ZSWIM6: variants seen among roughly 807,000 people sequenced by gnomAD.
ZSWIM6 encodes the protein zinc finger SWIM-type containing 6.
A neutral mutation model predicts 113.2 loss-of-function variants in ZSWIM6; 9 were observed. That is an observed-to-expected ratio of 0.08 (90% CI 0.05 to 0.14). The LOEUF (loss-of-function observed/expected upper bound fraction) is 0.14, where lower values mean the gene tolerates loss of function less well. Among genes scored for constraint, ZSWIM6 ranks in the 10% least tolerant of loss-of-function variants. The probability of loss-of-function intolerance (pLI) is 1.00; values close to 1 mark genes in which losing one functional copy is unlikely to be tolerated. For synonymous variants in ZSWIM6, 611 were observed against 606.5 expected (o/e 1.01, Z -0.11); for missense variants, 1,162 against 1,552.2 (o/e 0.75, Z 4.22).
At chr5:61,437,197 G>C (rs1051018009) in intron 1 of ZSWIM6, among the ~76,000 whole-genome samples, 4 of 152,208 alleles carry the variant, frequency 2.6e-5, no homozygotes, top group South Asian at 4.1e-4. Flanking sequence ...GGGTGACAAT[G>C]AACATGTACT....
At chr5:61,527,427 T>C (rs1749318077) in intron 7 of ZSWIM6, among the ~76,000 whole-genome samples, 1 of 152,168 alleles carries the variant, frequency 6.6e-6, no homozygotes, top group African/African-American at 2.4e-5. Flanking sequence ...ATTAAAAGGC[T>C]AGAGGTTGGA....
intron 1 of ZSWIM6, among the ~76,000 whole-genome samples, chr5:61,414,409 G>A (rs1015774266): frequency 1.4e-4 from 22 of 152,122 alleles, no homozygotes; most frequent in African/African-American, 4.6e-4. Flanking sequence ...GTTTTGGGAC[G>A]TGACAAATCA....
intron 1 of ZSWIM6, chr5:61,375,431 C>T: frequency 6.6e-7 from 1 of 1,515,790 alleles, no homozygotes. Context: ...TATTCATCTT[C>T]TTCTTCATCA....
chr5:61,521,463 T>C, intron 5 of ZSWIM6, 21 bp downstream of exon 5: 1 of 1,416,564 alleles, frequency 7.1e-7, no homozygotes, highest in Non-Finnish European at 9.3e-7. Flanking sequence ...CATAATGTTC[T>C]GCTTAAATTG....
intron 2 of ZSWIM6, among the ~76,000 whole-genome samples, chr5:61,488,698 TC>T (rs1748094859): frequency 6.6e-6 from 1 of 152,044 alleles, no homozygotes; most frequent in Admixed American, 6.6e-5. Context: ...ATCTTCTCTC[TC>T]CTTTTCTTGG....
At chr5:61,398,052 T>C (rs1013630828) in intron 1 of ZSWIM6, among the ~76,000 whole-genome samples, 7 of 152,196 alleles carry the variant, frequency 4.6e-5, no homozygotes, top group African/African-American at 1.7e-4. Context: ...TGCCATCTGA[T>C]ACCTGTGAAA....
intron 1 of ZSWIM6, among the ~76,000 whole-genome samples, chr5:61,418,032 G>A (rs983549756): frequency 2.6e-5 from 4 of 152,078 alleles, no homozygotes; most frequent in African/African-American, 4.8e-5. Context: ...GGTTTGCAGA[G>A]GTCTAAATAT....
At chr5:61,533,018 G>A (rs757702997) in intron 9 of ZSWIM6, among the ~76,000 whole-genome samples, 6 of 152,170 alleles carry the variant, frequency 3.9e-5, no homozygotes, top group Non-Finnish European at 7.3e-5. Context: ...ATAGTGTGTG[G>A]TATCTGTATT....
intron 4 of ZSWIM6, among the ~76,000 whole-genome samples, chr5:61,497,493 G>A (rs369555651): frequency 4.6e-5 from 7 of 152,186 alleles, no homozygotes; most frequent in African/African-American, 1.2e-4. Flanking sequence ...TAATATAAGT[G>A]CCTATGACAT....
In ZSWIM6 at chr5:61,531,592, C is replaced by A; in HGVS notation, c.2112C>A (p.Ile704=). 1 of 1,551,696 alleles carries A rather than the reference C, an allele frequency of 6.4e-7. No homozygotes were observed. The part of the protein sequence containing the change: ...VALIGLGQQR[I]MPDGLYTQEK... ...TGATAGGGCTAGGACAGCAGCGTAT[C>A]ATGCCTGATGGGCTGTACACACAAG... is the stretch of plus-strand genomic sequence containing the variant. The change falls in exon 9 of 14, where the codon ATC becomes ATA. Residue 704 remains isoleucine (I), a synonymous_variant. Coordinates refer to ENST00000252744, the MANE Select transcript of ZSWIM6 (RefSeq NM_020928.2).
At chr5:61,469,097 GA>G (rs1747505762) in intron 1 of ZSWIM6, among the ~76,000 whole-genome samples, 1 of 152,160 alleles carries the variant, frequency 6.6e-6, no homozygotes, top group South Asian at 2.1e-4. Context: ...ATTAACTGAG[GA>G]AAAGAAGTTT....
At chr5:61,481,635 T>C (rs1477983224) in intron 2 of ZSWIM6, among the ~76,000 whole-genome samples, 1 of 152,050 alleles carries the variant, frequency 6.6e-6, no homozygotes, top group African/African-American at 2.4e-5. Context: ...GCAAGTTTGA[T>C]GTTGGGATAA....
chr5:61,399,418 A>G (rs1398704830), intron 1 of ZSWIM6, among the ~76,000 whole-genome samples: 2 of 152,072 alleles, frequency 1.3e-5, no homozygotes, highest in Non-Finnish European at 2.9e-5. Flanking sequence ...ACCAGAACAG[A>G]TTCCATCTCT....
intron 1 of ZSWIM6, among the ~76,000 whole-genome samples, chr5:61,380,952 G>GA (rs374265490): frequency 0.1 from 15,056 of 145,082 alleles, 1,056 homozygotes; most frequent in Admixed American, 0.19. Flanking sequence ...AAAAAAAAAA[G>GA]AAAAAAAAAA....
At position 61,531,566 on chromosome 5, in the gene ZSWIM6, C is replaced by G. The variant is rs770401179; in HGVS notation, c.2086C>G (p.Leu696Val). 6.4e-7 allele frequency: 1 copy of G among 1,551,674 alleles called. No individual in the cohort carries two copies. Among genetic ancestry groups the G allele is most frequent in the South Asian group, 1.2e-5 (1 of 84,056 alleles). Reference sequence around the variant, plus strand: ...TTTAACGCTGGCTGTGGAAGTAGCCCTGATAGGGCTAGGACAGCAGCGTAT... The same window carrying G: ...TTTAACGCTGGCTGTGGAAGTAGCCGTGATAGGGCTAGGACAGCAGCGTAT... ...SYLTLAVEVA[L>V]IGLGQQRIMP... Residue 696 changes from leucine (L) to valine (V), a missense_variant, in exon 9 of 14, where the codon CTG (leucine) becomes GTG (valine). By Grantham distance (32) the Leu-to-Val change is conservative (BLOSUM62 1). Coordinates refer to ENST00000252744, the MANE Select transcript of ZSWIM6 (RefSeq NM_020928.2).
intron 2 of ZSWIM6, among the ~76,000 whole-genome samples, chr5:61,488,640 A>G (rs1748092602): frequency 6.6e-6 from 1 of 151,896 alleles, no homozygotes; most frequent in African/African-American, 2.4e-5. Context: ...TATTTCTGTG[A>G]TATCAATTTT....
chr5:61,358,968 T>C (rs1002291703), intron 1 of ZSWIM6, among the ~76,000 whole-genome samples: 1 of 152,216 alleles, frequency 6.6e-6, no homozygotes, highest in East Asian at 1.9e-4. Flanking sequence ...CTGGGAACTT[T>C]AATCTCTCAT....
intron 2 of ZSWIM6, among the ~76,000 whole-genome samples, chr5:61,479,905 T>A (rs976561692): frequency 6.8e-6 from 1 of 146,316 alleles, no homozygotes; most frequent in Non-Finnish European, 1.5e-5. Context: ...AGGAAAATAT[T>A]TGTGAACCAG....
At chr5:61,542,619 T>A (rs1749771321) in intron 13 of ZSWIM6, among the ~76,000 whole-genome samples, 1 of 152,248 alleles carries the variant, frequency 6.6e-6, no homozygotes, top group African/African-American at 2.4e-5. Flanking sequence ...TGTTTAGATA[T>A]GACACAGCAT....
Sources: allele counts gnomAD v4.1 joint callset (sites outside exome capture counted in the v4.1 genomes callset), GRCh38; gene constraint gnomAD v4.1.1; transcripts MANE v1.5; gene names NCBI Gene and HGNC (gene_info 2026-07-23, HGNC 2026-07-21).